The following CNKSR2 variants were observed in gnomAD, a reference collection of about 807,000 sequenced individuals.
CNKSR2 encodes the protein connector enhancer of kinase suppressor of Ras 2.
A neutral mutation model predicts 84.4 loss-of-function variants in CNKSR2; 14 were observed. The observed-to-expected ratio is 0.17, with a 90% CI of 0.11 to 0.26. The LOEUF (loss-of-function observed/expected upper bound fraction) is 0.26. CNKSR2 is among the 10% of genes least tolerant of loss of function. The pLI is 1.00. For synonymous variants in CNKSR2, 275 were observed against 277.9 expected (o/e 0.99, Z 0.10); for missense variants, 485 against 771.2 (o/e 0.63, Z 4.40).
chrX:21,382,036 G>T (rs772694000), intron 1 of CNKSR2, among the ~76,000 whole-genome samples: 1 of 111,415 alleles, frequency 9.0e-6, no homozygotes, highest in African/African-American at 3.3e-5. Flanking sequence ...AAAAGTATCT[G>T]GTATGAAATA....
intron 4 of CNKSR2, among the ~76,000 whole-genome samples, chrX:21,457,781 C>G: frequency 9.0e-6 from 1 of 111,577 alleles, no homozygotes; most frequent in Non-Finnish European, 1.9e-5. Flanking sequence ...CTTAATTCAG[C>G]TGCTTTTGAA....
intron 20 of CNKSR2, among the ~76,000 whole-genome samples, chrX:21,637,679 A>G (rs1270506900): frequency 9.0e-6 from 1 of 111,704 alleles, no homozygotes; most frequent in African/African-American, 3.2e-5. Context: ...ATTCTGAACC[A>G]AGGTATGAGC....
At chrX:21,457,021 A>G (rs2091003517) in intron 4 of CNKSR2, among the ~76,000 whole-genome samples, 1 of 111,570 alleles carries the variant, frequency 9.0e-6, no homozygotes, top group Non-Finnish European at 1.9e-5. Flanking sequence ...GTTTTTGGGA[A>G]AATATCTAGT....
intron 9 of CNKSR2, among the ~76,000 whole-genome samples, chrX:21,523,209 A>G (rs1240681114): frequency 9.0e-6 from 1 of 110,912 alleles, no homozygotes; most frequent in African/African-American, 3.3e-5. Context: ...ACTAAATGGT[A>G]TGACAAGGTC....
At chrX:21,419,123 G>T (rs2090460821) in intron 1 of CNKSR2, among the ~76,000 whole-genome samples, 1 of 109,954 alleles carries the variant, frequency 9.1e-6, no homozygotes, top group Non-Finnish European at 1.9e-5. Context: ...TTTTCAAATA[G>T]CCAGTCTTCA....
Position 21,374,609 on chromosome X carries a change from A to AGCAGCAGCAGCAGCAGCAGCAGCCGCC in CNKSR2, c.-286_-260dup. 1 of 497,632 alleles carries AGCAGCAGCAGCAGCAGCAGCAGCCGCC rather than the reference A, an allele frequency of 2.0e-6. No homozygotes were observed. The highest frequency in any genetic ancestry group is 2.8e-5 in the Admixed American group (1 of 35,855). 41.0% of individuals were successfully genotyped at this position (497,632 alleles called of 1,213,427 possible). A position where few individuals can be genotyped will look rare whatever the true frequency, so the allele number is the denominator to read the frequency against. On this transcript the variant is annotated 5_prime_UTR_variant, in exon 1 of 22. Coordinates refer to ENST00000379510, the MANE Select transcript of CNKSR2 (RefSeq NM_014927.5). ...GAGCGGCGGAGGCAGCAGCAGCAGC[A>AGCAGCAGCAGCAGCAGCAGCAGCCGCC]GCAGCAGCAGCAGCAGCAGCAGCCG...
At chrX:21,524,703 A>G (rs1221290784) in intron 9 of CNKSR2, among the ~76,000 whole-genome samples, 2 of 110,768 alleles carry the variant, frequency 1.8e-5, no homozygotes, top group African/African-American at 6.5e-5. Flanking sequence ...GTAGGTACTA[A>G]CCAGGAAAAA....
chrX:21,578,301 GTTTCT>G, intron 13 of CNKSR2, among the ~76,000 whole-genome samples: 1 of 111,383 alleles, frequency 9.0e-6, no homozygotes, highest in South Asian at 3.8e-4. Flanking sequence ...TCTTCCCATG[GTTTCT>G]TTTATTTTCA....
intron 1 of CNKSR2, among the ~76,000 whole-genome samples, chrX:21,383,772 G>A (rs2089931755): frequency 9.1e-6 from 1 of 110,200 alleles, no homozygotes. Flanking sequence ...TTAAGTAATA[G>A]CTAGAACAAA....
chrX:21,415,907 T>C (rs1457130000), intron 1 of CNKSR2, among the ~76,000 whole-genome samples: 1 of 107,527 alleles, frequency 9.3e-6, no homozygotes, highest in African/African-American at 3.4e-5. Flanking sequence ...TTTGACTTCT[T>C]CCTTTCCAAT....
intron 19 of CNKSR2, among the ~76,000 whole-genome samples, chrX:21,607,143 C>G (rs1219179015): frequency 9.0e-6 from 1 of 111,294 alleles, no homozygotes; most frequent in Non-Finnish European, 1.9e-5. Context: ...ATGAAGGTAG[C>G]CTTCGTGGAG....
intron 18 of CNKSR2, among the ~76,000 whole-genome samples, chrX:21,603,972 A>G (rs958455842): frequency 1.1e-4 from 12 of 111,829 alleles, no homozygotes; most frequent in Non-Finnish European, 1.7e-4. Context: ...TGAAAGAGAC[A>G]TTAAAAGTAT....
At chrX:21,409,242 A>G (rs2090307863) in intron 1 of CNKSR2, among the ~76,000 whole-genome samples, 1 of 37,590 alleles carries the variant, frequency 2.7e-5, no homozygotes, top group African/African-American at 2.0e-4. Flanking sequence ...ATATATATAT[A>G]TATATATATA....
intron 9 of CNKSR2, among the ~76,000 whole-genome samples, chrX:21,518,282 G>A (rs563183669): frequency 2.7e-5 from 3 of 110,860 alleles, no homozygotes; most frequent in South Asian, 7.6e-4. Flanking sequence ...TCTTCAAAGT[G>A]TAAGGGTGTG....
At chrX:21,483,188 T>C (rs1473195822) in intron 5 of CNKSR2, among the ~76,000 whole-genome samples, 2 of 111,479 alleles carry the variant, frequency 1.8e-5, no homozygotes, top group African/African-American at 6.5e-5. Flanking sequence ...AGTGATAGAC[T>C]GGATTAAGAA....
intron 21 of CNKSR2, among the ~76,000 whole-genome samples, chrX:21,651,635 T>G (rs1182150592): frequency 1.8e-5 from 2 of 111,629 alleles, no homozygotes; most frequent in Non-Finnish European, 3.8e-5. Context: ...TACTTCTCCA[T>G]CCCACCTTCC....
At chrX:21,631,492 A>G (rs962494245) in intron 20 of CNKSR2, among the ~76,000 whole-genome samples, 4 of 111,944 alleles carry the variant, frequency 3.6e-5, no homozygotes, top group Non-Finnish European at 5.6e-5. Context: ...TTTATCTATC[A>G]TTTGGTGGAG....
chrX:21,630,792 A>G (rs768223237), intron 20 of CNKSR2, among the ~76,000 whole-genome samples: 1 of 111,334 alleles, frequency 9.0e-6, no homozygotes, highest in Non-Finnish European at 1.9e-5. Context: ...AATATGGTTA[A>G]TCAAGTAAAG....
At chrX:21,429,323 G>A (rs1429457340) in intron 2 of CNKSR2, 1 of 111,789 alleles carries the variant, frequency 8.9e-6, no homozygotes, top group African/African-American at 3.2e-5. Flanking sequence ...TTTTCTTGAG[G>A]TAGTCCTTTT....
Sources: gnomAD v4.1 joint callset for allele counts (sites outside exome capture counted in the v4.1 genomes callset) on GRCh38, gnomAD v4.1.1 for gene constraint, MANE v1.5 for transcripts, NCBI Gene and HGNC (gene_info 2026-07-23, HGNC 2026-07-21) for gene names.